The following DNAJC13 variants were observed in gnomAD, a reference collection of about 807,000 sequenced individuals.
DNAJC13 encodes the protein DnaJ heat shock protein family (Hsp40) member C13.
A neutral mutation model predicts 290.5 loss-of-function variants in DNAJC13; 75 were observed. The ratio of observed to expected loss-of-function variants is 0.26; its 90% CI spans 0.21 to 0.31. DNAJC13 has a LOEUF of 0.31. Among genes scored for constraint, DNAJC13 ranks in the 10% least tolerant of loss-of-function variants. The pLI, the probability that DNAJC13 is intolerant of heterozygous loss-of-function variation, is 1.00. For missense variants in DNAJC13, 2,260 were observed against 2,674.5 expected (o/e 0.85, Z 3.42); for synonymous variants, 862 against 892.0 (o/e 0.97, Z 0.60).
At chr3:132,537,179 C>T (rs1335346872) in intron 55 of DNAJC13, 1 of 456,176 alleles carries the variant, frequency 2.2e-6, no homozygotes, top group African/African-American at 2.0e-5. Context: ...TCCCTTCTAA[C>T]TGGCAGCAGC....
chr3:132,496,473 A>C (rs987185263), intron 35 of DNAJC13, 55 bp from the exon 36 acceptor site: 2 of 1,459,998 alleles, frequency 1.4e-6, no homozygotes, highest in Admixed American at 4.3e-5. Context: ...GTCTTGTTTA[A>C]GTTGAATTTT....
rs190597290 is a variant in DNAJC13, at chr3:132,527,025, A to G, written c.6381+744A>G. On this transcript the variant is annotated intron_variant, in intron 53 of 55. Transcript: ENST00000260818. ...AGGAAGAATAAGGCTTTTAAGATCTATTGTGCATTATGTTGACTATAGCTA... is the reference window on the plus strand; with the variant it reads ...AGGAAGAATAAGGCTTTTAAGATCTGTTGTGCATTATGTTGACTATAGCTA... 2.6e-5 allele frequency among the ~76,000 whole-genome samples: 4 copies of G among 152,330 alleles called. No homozygotes were observed. In the East Asian group the frequency reaches 7.7e-4, roughly 29 times the overall value.
At chr3:132,495,621 A>C (rs1401369471) in intron 35 of DNAJC13, among the ~76,000 whole-genome samples, 2 of 152,140 alleles carry the variant, frequency 1.3e-5, no homozygotes, top group Non-Finnish European at 2.9e-5. Flanking sequence ...TCATTCCCTG[A>C]TGCCACCTCA....
At chr3:132,524,275 T>C (rs549107079) in intron 51 of DNAJC13, among the ~76,000 whole-genome samples, 2 of 152,358 alleles carry the variant, frequency 1.3e-5, no homozygotes, top group South Asian at 4.1e-4. Flanking sequence ...CAAAGTCTTT[T>C]TTGTTTTCAG....
At chr3:132,453,951 A>G (rs1411292905) in intron 8 of DNAJC13, 115 bp from the exon 9 acceptor site, 13 of 876,212 alleles carry the variant, frequency 1.5e-5, no homozygotes, top group African/African-American at 3.5e-5. Flanking sequence ...TTATATTGTA[A>G]ACAAGTCACA....
chr3:132,454,298 G>A (rs1482790907), intron 9 of DNAJC13, 141 bp downstream of exon 9: 4 of 515,128 alleles, frequency 7.8e-6, no homozygotes, highest in Non-Finnish European at 1.4e-5. Flanking sequence ...TATTTAAAAT[G>A]ACCCTCCCAT....
intron 18 of DNAJC13, 79 bp downstream of exon 18, chr3:132,466,149 A>G: frequency 3.5e-6 from 5 of 1,436,478 alleles, no homozygotes; most frequent in Non-Finnish European, 4.9e-6. Flanking sequence ...TTAAAAGGGG[A>G]TGGTTTGTTT....
At chr3:132,425,515 A>G (rs534142411) in intron 1 of DNAJC13, among the ~76,000 whole-genome samples, 1 of 152,248 alleles carries the variant, frequency 6.6e-6, no homozygotes. Context: ...CTTTCCATCA[A>G]TCCATCTTAT....
intron 17 of DNAJC13, among the ~76,000 whole-genome samples, chr3:132,465,055 A>G (rs531895469): frequency 6.6e-6 from 1 of 152,196 alleles, no homozygotes; most frequent in African/African-American, 2.4e-5. Flanking sequence ...CTGATATGAT[A>G]ACCTACCAAA....
chr3:132,479,425 C>G, intron 25 of DNAJC13, 136 bp downstream of exon 25: 2 of 614,090 alleles, frequency 3.3e-6, no homozygotes, highest in South Asian at 2.2e-5. Flanking sequence ...TCTGTGTGCT[C>G]TAATCTCCTG....
chr3:132,485,380 T>C (rs755889582), intron 29 of DNAJC13, among the ~76,000 whole-genome samples: 4 of 152,144 alleles, frequency 2.6e-5, no homozygotes, highest in Non-Finnish European at 4.4e-5. Flanking sequence ...CCTCAAATGA[T>C]CCATCCACCT....
intron 21 of DNAJC13, 29 bp downstream of exon 21, chr3:132,473,256 G>A (rs1311934846): frequency 1.3e-6 from 2 of 1,489,274 alleles, no homozygotes; most frequent in Non-Finnish European, 1.8e-6. Context: ...TTCCAATAAA[G>A]ATTAAATTTA....
At chr3:132,498,470 C>T (rs1935304010) in intron 36 of DNAJC13, among the ~76,000 whole-genome samples, 1 of 152,068 alleles carries the variant, frequency 6.6e-6, no homozygotes, top group Admixed American at 6.5e-5. Flanking sequence ...TGAAAAGTTA[C>T]AAAGATCAGC....
intron 2 of DNAJC13, among the ~76,000 whole-genome samples, chr3:132,444,722 CTTAT>C (rs2107658770): frequency 6.6e-6 from 1 of 152,246 alleles, no homozygotes; most frequent in African/African-American, 2.4e-5. Context: ...TGAGCAAAAT[CTTAT>C]TTCTTTGTTT....
intron 1 of DNAJC13, 70 bp from the exon 2 acceptor site, chr3:132,434,468 C>G: frequency 9.0e-7 from 1 of 1,110,314 alleles, no homozygotes; most frequent in Non-Finnish European, 1.3e-6. Flanking sequence ...TGCTACCTTT[C>G]TTAGGGGAAT....
At chr3:132,498,163 G>A (rs558383564) in intron 36 of DNAJC13, among the ~76,000 whole-genome samples, 29 of 152,222 alleles carry the variant, frequency 1.9e-4, no homozygotes, top group African/African-American at 7.0e-4. Flanking sequence ...TAGTTTAAAA[G>A]TTAACTTTCT....
In DNAJC13 at chr3:132,453,515, T is replaced by C; in HGVS notation, c.744+11T>C. The C allele has an allele frequency of 6.2e-7, 1 of 1,611,564 alleles. No homozygotes were observed. The highest frequency in any genetic ancestry group is 1.1e-5 in the South Asian group (1 of 90,412). ...TCACCTAGACATTCGGTAAGACCCATATGTTAAAAATGAAAATTTGTTCAC... is the reference window on the plus strand; with the variant it reads ...TCACCTAGACATTCGGTAAGACCCACATGTTAAAAATGAAAATTTGTTCAC... On this transcript the variant is annotated intron_variant, in intron 7 of 55. Coordinates refer to ENST00000260818, the MANE Select transcript of DNAJC13 (RefSeq NM_015268.4).
chr3:132,441,158 A>T (rs1470596506), intron 2 of DNAJC13, among the ~76,000 whole-genome samples: 1 of 152,230 alleles, frequency 6.6e-6, no homozygotes, highest in Non-Finnish European at 1.5e-5. Context: ...TATTCAGCCT[A>T]GGAAAAAGAA....
At chr3:132,495,220 T>C in intron 35 of DNAJC13, 54 bp downstream of exon 35, 1 of 1,408,754 alleles carries the variant, frequency 7.1e-7, no homozygotes, top group East Asian at 2.3e-5. Context: ...TCTATTATTA[T>C]GTAGTTGGAG....
Sources: gnomAD v4.1 joint callset for allele counts (sites outside exome capture counted in the v4.1 genomes callset) on GRCh38, gnomAD v4.1.1 for gene constraint, MANE v1.5 for transcripts, NCBI Gene and HGNC (gene_info 2026-07-23, HGNC 2026-07-21) for gene names.